Variants in ARHGEF11 observed in about 807,000 individuals in gnomAD.
ARHGEF11 encodes Rho guanine nucleotide exchange factor 11, also known as Rho guanine exchange factor (GEF) 11.
A neutral mutation model predicts 193.7 loss-of-function variants in ARHGEF11; 55 were observed. The observed-to-expected ratio is 0.28, with a 90% CI of 0.23 to 0.36. ARHGEF11 has a LOEUF of 0.36. ARHGEF11 is among the 10% of genes least tolerant of loss of function. The pLI is 1.00. For missense variants in ARHGEF11, 1,723 were observed against 2,005.6 expected, an observed-to-expected ratio of 0.86 and a Z score of 2.69; for synonymous variants, 693 against 768.0, an observed-to-expected ratio of 0.90 and a Z score of 1.62.
chr1:156,977,026 T>G lies in ARHGEF11; in HGVS notation c.539A>C (p.Gln180Pro), dbSNP rs771409601. The G allele has an allele frequency of 6.2e-7, 1 of 1,614,100 alleles. No individual in the cohort carries two copies. Among genetic ancestry groups the G allele is most frequent in the Non-Finnish European group, 8.5e-7 (1 of 1,179,980 alleles). The change falls in exon 7 of 41, where the codon CAG (glutamine) becomes CCG (proline). Residue 180 changes from glutamine to proline, a missense_variant. By Grantham distance (76) the Gln-to-Pro change is moderately conservative. Coordinates refer to ENST00000368194, the MANE Select transcript of ARHGEF11 (RefSeq NM_198236.3). ...QDPEVQKHAT[Q>P]ILRNMLRQEE... Reference sequence around the variant, plus strand: ...CTGCCTCAGCATATTCCTGAGGATCTGGGTGGCATGTTTTTGAACTTCGGG... The same window carrying G: ...CTGCCTCAGCATATTCCTGAGGATCGGGGTGGCATGTTTTTGAACTTCGGG...
At chr1:156,956,692 T>C (rs1660010416) in intron 18 of ARHGEF11, 128 bp from the exon 19 acceptor site, 2 of 1,387,698 alleles carry the variant, frequency 1.4e-6, no homozygotes, top group African/African-American at 2.9e-5. Context: ...CAAAGAAAAG[T>C]CTAGAATAAT....
chr1:156,941,749 G>A (rs1657004584), intron 34 of ARHGEF11, 115 bp downstream of exon 34: 3 of 1,443,314 alleles, frequency 2.1e-6, no homozygotes, highest in Non-Finnish European at 2.8e-6. Flanking sequence ...TCTGCTCCCT[G>A]CTAGCATTTC....
At chr1:156,994,392 GTT>G (rs33948204) in intron 1 of ARHGEF11, among the ~76,000 whole-genome samples, 1 of 144,088 alleles carries the variant, frequency 6.9e-6, no homozygotes, top group Non-Finnish European at 1.5e-5. Flanking sequence ...TTTATTGTGT[GTT>G]TTTTTTTTTT....
intron 1 of ARHGEF11, among the ~76,000 whole-genome samples, chr1:157,012,862 G>A (rs1425223246): frequency 6.6e-6 from 1 of 152,040 alleles, no homozygotes; most frequent in Non-Finnish European, 1.5e-5. Flanking sequence ...ATCATTTCTT[G>A]GCCATTCATT....
chr1:156,956,617 T>G, intron 18 of ARHGEF11, 53 bp from the exon 19 acceptor site: 1 of 1,607,772 alleles, frequency 6.2e-7, no homozygotes, highest in Admixed American at 1.7e-5. Context: ...ATCTTCCCTG[T>G]GCCAAACAAT....
upstream of ARHGEF11, among the ~76,000 whole-genome samples, chr1:157,046,744 A>C (rs1368561663): frequency 1.3e-5 from 2 of 152,162 alleles, no homozygotes; most frequent in Non-Finnish European, 2.9e-5. Flanking sequence ...CATTTGTCAG[A>C]AGGTGCCGAG....
chr1:157,033,434 T>A (rs1214839751), intron 1 of ARHGEF11, among the ~76,000 whole-genome samples: 1 of 152,142 alleles, frequency 6.6e-6, no homozygotes, highest in Non-Finnish European at 1.5e-5. Flanking sequence ...TCATCTCTTG[T>A]CAAGGTTACT....
In ARHGEF11 at chr1:156,939,931, T is replaced by C. The variant is rs1208869723; in HGVS notation, c.3734-21A>G. ...CTCCACTGGAGGGGAAACAGGGTGA[T>C]GTCTTCCCAGCATGGGACTGCACAC... On this transcript the variant is annotated intron_variant, in intron 36 of 40. Transcript: ENST00000368194. 3.1e-6 allele frequency: 5 copies of C among 1,597,916 alleles called. No homozygotes were observed. The Admixed American group carries it at 8.5e-5, about 27-fold the overall frequency.
chr1:156,942,201 C>T (rs1657145536), intron 33 of ARHGEF11, among the ~76,000 whole-genome samples: 1 of 152,210 alleles, frequency 6.6e-6, no homozygotes, highest in Non-Finnish European at 1.5e-5. Flanking sequence ...CTGTTACACT[C>T]TGTGCAAAGC....
chr1:156,989,979 A>AG (rs1283455355), intron 1 of ARHGEF11, among the ~76,000 whole-genome samples: 2 of 152,220 alleles, frequency 1.3e-5, no homozygotes. Context: ...CAATGCCATC[A>AG]GCACACCCAA....
At chr1:157,021,432 T>G (rs909208784) in intron 1 of ARHGEF11, among the ~76,000 whole-genome samples, 2 of 152,138 alleles carry the variant, frequency 1.3e-5, no homozygotes, top group African/African-American at 4.8e-5. Context: ...ATAATAACCA[T>G]CAAGGATGTA....
Position 156,944,418 on chromosome 1 carries a change from T to C in ARHGEF11, c.3007A>G (p.Thr1003Ala), listed in dbSNP as rs143704080. 22 of 1,613,530 alleles carry C rather than the reference T, an allele frequency of 1.4e-5. No individual in the cohort carries two copies. Among genetic ancestry groups the C allele is most frequent in the East Asian group, 4.5e-5 (2 of 44,790 alleles). Residue 1003 changes from threonine (T) to alanine (A), a missense_variant, in exon 31 of 41, where the codon ACC (threonine) becomes GCC (alanine). This residue lies in a region of ARHGEF11 where 491 missense variants were observed against 654.5 expected (regional missense o/e 0.75). Transcript: ENST00000368194. ...AAEFKSLDLT[T>A]RKMIHEGPLT... ...GGTCCCTCATGGATCATTTTTCTGG[T>C]TGTAAGATCCAGGCTCTGTTAAGGA...
chr1:157,036,367 G>A (rs1672050549), intron 1 of ARHGEF11, among the ~76,000 whole-genome samples: 1 of 151,688 alleles, frequency 6.6e-6, no homozygotes, highest in South Asian at 2.1e-4. Context: ...TGTCACCCAG[G>A]CTGGAGTGCA....
chr1:157,015,147 T>A (rs144168195), intron 1 of ARHGEF11, among the ~76,000 whole-genome samples: 1 of 152,348 alleles, frequency 6.6e-6, no homozygotes, highest in Non-Finnish European at 1.5e-5. Flanking sequence ...CAATACATCC[T>A]GGACAATTTG....
chr1:157,023,227 C>A (rs955329747), intron 1 of ARHGEF11, among the ~76,000 whole-genome samples: 3 of 152,028 alleles, frequency 2.0e-5, no homozygotes, highest in Non-Finnish European at 2.9e-5. Flanking sequence ...AATTATTTGC[C>A]AATCATATGT....
intron 28 of ARHGEF11, 107 bp downstream of exon 28, chr1:156,946,555 G>A: frequency 1.4e-6 from 2 of 1,480,354 alleles, no homozygotes; most frequent in South Asian, 1.2e-5. Context: ...AAGGGTAGAG[G>A]GAGTTGCTGT....
At chr1:156,944,925 T>A (rs1657835547) in intron 30 of ARHGEF11, 94 bp downstream of exon 30, 6 of 1,477,086 alleles carry the variant, frequency 4.1e-6, no homozygotes, top group Non-Finnish European at 5.4e-6. Context: ...CTCTGTCTCC[T>A]ACCTCTAAGA....
chr1:157,045,981 G>C (rs939275119), upstream of ARHGEF11, among the ~76,000 whole-genome samples: 241 of 150,588 alleles, frequency 1.6e-3, no homozygotes, highest in African/African-American at 5.6e-3. Context: ...GAAGCTGACC[G>C]CCTTTCCCTG....
At position 157,044,732 on chromosome 1, in the gene ARHGEF11, A is replaced by C; in HGVS notation, c.-402T>G. ...CTGTTAACTGCAAAGTACAGATAAA[A>C]CCATCCTTTAAATCCAGCTTTCTCA... is the stretch of plus-strand genomic sequence containing the variant. On this transcript the variant is annotated 5_prime_UTR_variant, in exon 1 of 41. Coordinates refer to ENST00000368194, the MANE Select transcript of ARHGEF11 (RefSeq NM_198236.3). 1 of 398,312 alleles carries C rather than the reference A, an allele frequency of 2.5e-6. No individual in the cohort carries two copies. Among genetic ancestry groups the C allele is most frequent in the South Asian group, 1.3e-4 (1 of 7,912 alleles). The allele number at this position is 398,312 out of a possible 1,614,324, so 24.7% of individuals were successfully genotyped here.
Sources: gnomAD v4.1 joint callset for allele counts (sites outside exome capture counted in the v4.1 genomes callset) on GRCh38, gnomAD v4.1.1 for gene constraint, gnomAD v4.1.1 regional missense constraint, MANE v1.5 for transcripts, NCBI Gene and HGNC (gene_info 2026-07-23, HGNC 2026-07-21) for gene names.